HRH1: variants seen among roughly 807,000 people sequenced by gnomAD.
The protein encoded by HRH1 is histamine H1 receptor.
A neutral mutation model predicts 10.3 loss-of-function variants in HRH1; 6 were observed. The ratio of observed to expected loss-of-function variants is 0.58; its 90% confidence interval spans 0.32 to 1.15. HRH1 has a LOEUF of 1.15. HRH1 is among the 50% of genes most tolerant of loss of function. The pLI, the probability that HRH1 is intolerant of heterozygous loss-of-function variation, is 0.05. For missense variants in HRH1, 514 were observed against 615.3 expected (o/e 0.84, Z 1.74); for synonymous variants, 242 against 236.7 (o/e 1.02, Z -0.21).
intron 1 of HRH1, among the ~76,000 whole-genome samples, chr3:11,206,397 C>T (rs553365861): frequency 1.3e-5 from 2 of 152,372 alleles, no homozygotes; most frequent in East Asian, 3.9e-4. Flanking sequence ...GGATTACAGG[C>T]GTGAGCCACC....
intron 1 of HRH1, among the ~76,000 whole-genome samples, chr3:11,215,902 T>G (rs73119387): frequency 1.4e-4 from 21 of 152,192 alleles, no homozygotes; most frequent in Middle Eastern, 3.4e-3. Flanking sequence ...TTTTGTAGCC[T>G]CCTTTTTTTT....
At chr3:11,157,853 T>C (rs532563128) in intron 1 of HRH1, among the ~76,000 whole-genome samples, 1 of 152,356 alleles carries the variant, frequency 6.6e-6, no homozygotes, top group South Asian at 2.1e-4. Context: ...CAGGGAGTAC[T>C]TAAAAGCACA....
chr3:11,256,439 A>C (rs1939784466), intron 1 of HRH1, among the ~76,000 whole-genome samples: 1 of 152,188 alleles, frequency 6.6e-6, no homozygotes, highest in African/African-American at 2.4e-5. Flanking sequence ...AAGACATTTA[A>C]AAGGTTCCTT....
At chr3:11,184,036 A>C (rs1381295263) in intron 1 of HRH1, among the ~76,000 whole-genome samples, 1 of 151,424 alleles carries the variant, frequency 6.6e-6, no homozygotes, top group Non-Finnish European at 1.5e-5. Flanking sequence ...TGTCTCATTC[A>C]CTGCTGCATC....
At chr3:11,138,629 A>G (rs1936231981) in intron 1 of HRH1, among the ~76,000 whole-genome samples, 1 of 152,138 alleles carries the variant, frequency 6.6e-6, no homozygotes, top group South Asian at 2.1e-4. Flanking sequence ...CAACAAGACC[A>G]TCCCCTGGTA....
intron 1 of HRH1, among the ~76,000 whole-genome samples, chr3:11,155,223 G>A (rs1288189690): frequency 1.3e-5 from 2 of 152,168 alleles, no homozygotes; most frequent in Non-Finnish European, 2.9e-5. Context: ...TGCAGCTGGG[G>A]GTGTGGAGCA....
chr3:11,198,131 G>T (rs912134660), intron 1 of HRH1, among the ~76,000 whole-genome samples: 1 of 152,082 alleles, frequency 6.6e-6, no homozygotes, highest in African/African-American at 2.4e-5. Context: ...TTCAGGCTCC[G>T]CATCTGCAAG....
chr3:11,222,781 A>G (rs1404716888), intron 1 of HRH1, among the ~76,000 whole-genome samples: 1 of 151,628 alleles, frequency 6.6e-6, no homozygotes, highest in African/African-American at 2.4e-5. Flanking sequence ...ACAACACTAC[A>G]CCCTCCCACT....
rs867425657 is a variant in HRH1, at chr3:11,187,895, T to C, written c.-36+33341T>C. ...TTGCATAAGGTTACATCAACTGCTT[T>C]TGCCTCATTGACTTAACATTTCCCA... On this transcript the variant is annotated intron_variant, in intron 1 of 1. Coordinates refer to ENST00000431010, the MANE Select transcript of HRH1 (RefSeq NM_001098212.2). 3.3e-5 allele frequency among the ~76,000 whole-genome samples: 5 copies of C among 152,364 alleles called. No individual in the cohort carries two copies. The South Asian group carries it at 6.2e-4, about 19-fold the overall frequency.
intron 1 of HRH1, among the ~76,000 whole-genome samples, chr3:11,257,252 TAAA>T (rs756942955): frequency 1.0e-4 from 8 of 80,144 alleles, no homozygotes; most frequent in Admixed American, 5.8e-4. Flanking sequence ...GACTCTGTCC[TAAA>T]AAAAAAAAAA....
intron 1 of HRH1, among the ~76,000 whole-genome samples, chr3:11,247,190 T>G (rs983077382): frequency 5.3e-5 from 8 of 151,868 alleles, no homozygotes; most frequent in Non-Finnish European, 1.5e-5. Context: ...GGTGTGGTGG[T>G]GCATGCCTGT....
At chr3:11,172,177 T>C (rs1007828442) in intron 1 of HRH1, among the ~76,000 whole-genome samples, 1 of 152,216 alleles carries the variant, frequency 6.6e-6, no homozygotes, top group Admixed American at 6.5e-5. Context: ...CATTGAAGAA[T>C]TCTGAGGAAG....
chr3:11,204,641 C>T (rs1938049638), intron 1 of HRH1, among the ~76,000 whole-genome samples: 1 of 152,202 alleles, frequency 6.6e-6, no homozygotes. Context: ...GAACAAACTA[C>T]GTGTTAGGTG....
At chr3:11,254,494 C>G (rs1939735269) in intron 1 of HRH1, among the ~76,000 whole-genome samples, 1 of 152,194 alleles carries the variant, frequency 6.6e-6, no homozygotes. Flanking sequence ...CTTCACTGCC[C>G]CCAAGGTTTT....
At chr3:11,218,364 C>T (rs1442128338) in intron 1 of HRH1, among the ~76,000 whole-genome samples, 1 of 150,344 alleles carries the variant, frequency 6.7e-6, no homozygotes, top group Non-Finnish European at 1.5e-5. Context: ...AGGAGAATAG[C>T]TTGAACCCGG....
chr3:11,196,048 T>A (rs1393653135), intron 1 of HRH1, among the ~76,000 whole-genome samples: 2 of 152,206 alleles, frequency 1.3e-5, no homozygotes, highest in Non-Finnish European at 2.9e-5. Flanking sequence ...CCCCGCCAAG[T>A]CCATTCTCTT....
At chr3:11,180,214 AG>A (rs1228972810) in intron 1 of HRH1, among the ~76,000 whole-genome samples, 13 of 152,168 alleles carry the variant, frequency 8.5e-5, no homozygotes, top group African/African-American at 3.1e-4. Flanking sequence ...CACCTCAAAA[AG>A]AAAGCCTCCA....
intron 1 of HRH1, among the ~76,000 whole-genome samples, chr3:11,146,637 G>C (rs1936453172): frequency 6.6e-6 from 1 of 152,176 alleles, no homozygotes; most frequent in African/African-American, 2.4e-5. Flanking sequence ...TCCTTCTCTA[G>C]GCATGGTCCT....
intron 1 of HRH1, among the ~76,000 whole-genome samples, chr3:11,149,003 G>C (rs1936534800): frequency 6.6e-6 from 1 of 152,068 alleles, no homozygotes; most frequent in East Asian, 1.9e-4. Flanking sequence ...AGCACAAGTT[G>C]TAGACACTTG....
Sources: gnomAD v4.1 joint callset for allele counts (sites outside exome capture counted in the v4.1 genomes callset) on GRCh38, gnomAD v4.1.1 for gene constraint, MANE v1.5 for transcripts, NCBI Gene and HGNC (gene_info 2026-07-23, HGNC 2026-07-21) for gene names.